CELF2: variants seen among roughly 807,000 people sequenced by gnomAD.
CELF2 encodes CUGBP Elav-like family member 2, also known as CUG triplet repeat RNA-binding protein 2.
CELF2 carries 8 observed loss-of-function variants against 62.6 expected under a neutral mutation model. The observed-to-expected ratio is 0.13, with a 90% confidence interval of 0.07 to 0.23. The LOEUF (loss-of-function observed/expected upper bound fraction) is 0.23, where lower values mean the gene tolerates loss of function less well. Ranked by LOEUF, CELF2 falls within the 10% of genes least tolerant of loss-of-function variation. The pLI, the probability that CELF2 is intolerant of heterozygous loss-of-function variation, is 1.00. For synonymous variants in CELF2, 258 were observed against 250.0 expected, an observed-to-expected ratio of 1.03 and a Z score of -0.30; for missense variants, 333 against 671.0, an observed-to-expected ratio of 0.50 and a Z score of 5.56.
At chr10:10,599,561 C>T in the CELF2 span, among the ~76,000 whole-genome samples, 922 of 152,204 alleles carry the variant, frequency 6.1e-3, 10 homozygotes, top group Middle Eastern at 0.017. Context: ...GTCAGAGAAA[C>T]ATTAGCTTTG....
chr10:10,614,280 A>G, the CELF2 span, among the ~76,000 whole-genome samples: 2 of 151,998 alleles, frequency 1.3e-5, no homozygotes, highest in Admixed American at 1.3e-4. Context: ...CACCAATTAG[A>G]TGACTGCTAG....
chr10:10,684,923 C>A, the CELF2 span, among the ~76,000 whole-genome samples: 1 of 152,072 alleles, frequency 6.6e-6, no homozygotes, highest in Non-Finnish European at 1.5e-5. Context: ...GTTCATTGAG[C>A]CTTTAAGCAT....
At chr10:11,162,613 G>T (rs1021527189) in intron 1 of CELF2, among the ~76,000 whole-genome samples, 3 of 150,666 alleles carry the variant, frequency 2.0e-5, no homozygotes, top group Non-Finnish European at 3.0e-5. Context: ...GGGGTGGGGG[G>T]GGTGAAAAAA....
Position 11,328,895 on chromosome 10 carries a change from C to T in CELF2, c.1439-31C>T, listed in dbSNP as rs2095902150. 6.3e-7 allele frequency: 1 copy of T among 1,595,828 alleles called. No homozygotes were observed. Among genetic ancestry groups the T allele is most frequent in the East Asian group, 2.3e-5 (1 of 44,222 alleles). On this transcript the variant is annotated intron_variant, in intron 12 of 12. Coordinates refer to ENST00000633077, the MANE Select transcript of CELF2 (RefSeq NM_001326342.2). This position sits in a 1 kb window ranked among gnomAD's most constrained non-coding sequence, Gnocchi z 6.4. ...TCTGTTTTCTGCTGGGCTTCCTCTC[C>T]AGGCTGACTCCCTCTCTCGGTATTT...
At chr10:11,245,518 C>T (rs965259429) in intron 3 of CELF2, among the ~76,000 whole-genome samples, 1 of 152,232 alleles carries the variant, frequency 6.6e-6, no homozygotes. Context: ...CAATCCACGG[C>T]TCTGCGAAGT....
At position 10,968,245 on chromosome 10, in the gene CELF2, G is replaced by C. The variant is rs916388229; in HGVS notation, c.89+48246G>C. On this transcript the variant is annotated intron_variant, in intron 2 of 13. Transcript: ENST00000636488. ...TTTTTTTGTTCATGATTGCCAAAAT[G>C]TTTATTGTTTTGACCCAGAAAAAAA... 2.6e-5 allele frequency among the ~76,000 whole-genome samples: 4 copies of C among 152,078 alleles called. No homozygotes were observed. In the East Asian group the frequency reaches 7.7e-4, roughly 29 times the overall value.
At chr10:11,256,823 C>T (rs1035788654) in intron 4 of CELF2, among the ~76,000 whole-genome samples, 2 of 152,008 alleles carry the variant, frequency 1.3e-5, no homozygotes, top group Non-Finnish European at 2.9e-5. Flanking sequence ...TGAAGTACAA[C>T]GTGTCTTATC....
intron 8 of CELF2, among the ~76,000 whole-genome samples, chr10:11,278,890 T>A (rs2087171315): frequency 2.0e-5 from 3 of 152,172 alleles, no homozygotes; most frequent in Non-Finnish European, 4.4e-5. Flanking sequence ...AGCAGACTTG[T>A]CCAAAGGCAC....
chr10:10,913,552 A>G (rs1213822813), intron 1 of CELF2, among the ~76,000 whole-genome samples: 4 of 131,822 alleles, frequency 3.0e-5, no homozygotes, highest in African/African-American at 1.1e-4. Context: ...CACTACGCCC[A>G]GCTAATTTTT....
At chr10:10,762,273 A>G in the CELF2 span, among the ~76,000 whole-genome samples, 293 of 152,192 alleles carry the variant, frequency 1.9e-3, 10 homozygotes, top group East Asian at 0.051. Context: ...GGAAGAATGG[A>G]TGTCCACTCT....
At chr10:10,797,951 T>G (rs562708224), upstream of CELF2, among the ~76,000 whole-genome samples, 22 of 152,210 alleles carry the variant, frequency 1.4e-4, no homozygotes, top group African/African-American at 5.1e-4. Context: ...ATTGGAAGGA[T>G]GTTTGGTTTT....
At chr10:10,879,310 A>G (rs2061304040) in intron 1 of CELF2, among the ~76,000 whole-genome samples, 1 of 152,182 alleles carries the variant, frequency 6.6e-6, no homozygotes, top group Non-Finnish European at 1.5e-5. Context: ...ACATTTCTCC[A>G]ACATATACAA....
Position 11,211,773 on chromosome 10 carries a change from AGT to A in CELF2, c.272-5643_272-5642del, listed in dbSNP as rs899369914. ...ACACTACTGTGTGTGAGTGAGTGAG[AGT>A]GTGTGTGTATGTGTGTGAGAGAGAG... On this transcript the variant is annotated intron_variant, in intron 2 of 12. Transcript: ENST00000633077. This position sits in a 1 kb window ranked among gnomAD's most constrained non-coding sequence, Gnocchi z 4.8. 1.4e-5 allele frequency among the ~76,000 whole-genome samples: 2 copies of A among 143,740 alleles called. No individual in the cohort carries two copies. The highest frequency in any genetic ancestry group is 5.1e-5 in the African/African-American group (2 of 39,430). The allele number at this position is 143,740 out of a possible 152,430, so 94.3% of individuals were successfully genotyped here.
At chr10:11,235,495 T>C (rs1466336262) in intron 3 of CELF2, among the ~76,000 whole-genome samples, 2 of 152,216 alleles carry the variant, frequency 1.3e-5, no homozygotes, top group Admixed American at 6.5e-5. Context: ...CTCTAAGCTC[T>C]ACCAACCAGT....
chr10:10,904,139 T>C (rs1047026572), intron 1 of CELF2, among the ~76,000 whole-genome samples: 4 of 152,242 alleles, frequency 2.6e-5, no homozygotes, highest in South Asian at 2.1e-4. Context: ...CTTTTATTTT[T>C]AAACACAAAC....
chr10:11,192,408 G>A (rs1205772349), intron 2 of CELF2, among the ~76,000 whole-genome samples: 1 of 152,182 alleles, frequency 6.6e-6, no homozygotes, highest in African/African-American at 2.4e-5. Context: ...GTAGTCTCAT[G>A]GCACTGTGTG....
chr10:10,552,892 T>C, the CELF2 span, among the ~76,000 whole-genome samples: 1 of 152,168 alleles, frequency 6.6e-6, no homozygotes, highest in South Asian at 2.1e-4. Context: ...GAGGGCAGGG[T>C]CCCAGCCAGT....
intron 1 of CELF2, among the ~76,000 whole-genome samples, chr10:11,095,962 A>G (rs904691218): frequency 1.4e-4 from 21 of 152,226 alleles, no homozygotes; most frequent in Admixed American, 1.1e-3. Flanking sequence ...TGCCATATGT[A>G]TTGAACATTA....
the CELF2 span, among the ~76,000 whole-genome samples, chr10:10,510,371 T>C: frequency 6.6e-6 from 1 of 152,208 alleles, no homozygotes; most frequent in Non-Finnish European, 1.5e-5. Flanking sequence ...ATACTTCTTT[T>C]AGGTTGTGTT....
Sources: allele counts gnomAD v4.1 joint callset (sites outside exome capture counted in the v4.1 genomes callset), GRCh38; gene constraint gnomAD v4.1.1; non-coding constraint Gnocchi (gnomAD v3.1); transcripts MANE v1.5; gene names NCBI Gene and HGNC (gene_info 2026-07-23, HGNC 2026-07-21).